TRPC7: variants seen among roughly 807,000 people sequenced by gnomAD.
The protein encoded by TRPC7 is short transient receptor potential channel 7.
In TRPC7, 42 loss-of-function variants were observed where a neutral mutation model predicts 90.1. The ratio of observed to expected loss-of-function variants is 0.47; its 90% CI spans 0.36 to 0.60. The LOEUF (loss-of-function observed/expected upper bound fraction) is 0.60. TRPC7 is among the 20% of genes least tolerant of loss of function. The pLI is 0.00. For missense variants in TRPC7, 955 were observed against 1,112.3 expected (o/e 0.86, Z 2.01); for synonymous variants, 451 against 436.3 (o/e 1.03, Z -0.42).
chr5:136,257,953 C>G (rs1470410493), intron 5 of TRPC7, among the ~76,000 whole-genome samples: 2 of 152,166 alleles, frequency 1.3e-5, no homozygotes, highest in African/African-American at 4.8e-5. Context: ...GCCCTGGGTT[C>G]AAGTTCTAGC....
At chr5:136,241,952 G>T (rs556909788) in intron 7 of TRPC7, among the ~76,000 whole-genome samples, 14 of 152,216 alleles carry the variant, frequency 9.2e-5, no homozygotes, top group African/African-American at 3.1e-4. Flanking sequence ...CAAGAGTGCT[G>T]GGACCCCAAG....
At chr5:136,339,325 ACCTAATAAATTGG>A (rs1490281431) in intron 2 of TRPC7, among the ~76,000 whole-genome samples, 1 of 152,168 alleles carries the variant, frequency 6.6e-6, no homozygotes, top group African/African-American at 2.4e-5. Context: ...GCCTTTGTAA[ACCTAATAAATTGG>A]CCACAAGGTT....
chr5:136,282,808 C>G (rs1263657510), intron 3 of TRPC7, among the ~76,000 whole-genome samples: 1 of 152,156 alleles, frequency 6.6e-6, no homozygotes, highest in Non-Finnish European at 1.5e-5. Context: ...AGTGATCCAT[C>G]CATCCACCAG....
chr5:136,288,850 T>C (rs1203631763), intron 3 of TRPC7, among the ~76,000 whole-genome samples: 1 of 152,216 alleles, frequency 6.6e-6, no homozygotes, highest in Admixed American at 6.5e-5. Flanking sequence ...TATATGTATG[T>C]GTCCCCTGCC....
chr5:136,278,768 A>G (rs1183715852), intron 3 of TRPC7, among the ~76,000 whole-genome samples: 2 of 152,004 alleles, frequency 1.3e-5, no homozygotes, highest in African/African-American at 4.8e-5. Flanking sequence ...ACACCACCCC[A>G]CTCACCTTTT....
At chr5:136,286,309 G>A (rs971793838) in intron 3 of TRPC7, among the ~76,000 whole-genome samples, 46 of 152,098 alleles carry the variant, frequency 3.0e-4, no homozygotes, top group African/African-American at 9.9e-4. Context: ...GGTCTAAATC[G>A]CTGTGGTGGA....
intron 3 of TRPC7, among the ~76,000 whole-genome samples, chr5:136,313,175 A>G (rs1186176801): frequency 6.6e-6 from 1 of 152,086 alleles, no homozygotes; most frequent in South Asian, 2.1e-4. Context: ...AAGCTGTTTG[A>G]CTGTTTAACT....
At chr5:136,358,386 T>C (rs1401090149) in intron 1 of TRPC7, among the ~76,000 whole-genome samples, 1 of 152,206 alleles carries the variant, frequency 6.6e-6, no homozygotes, top group Non-Finnish European at 1.5e-5. Context: ...CCAGGTATTA[T>C]ACTAAGAGCT....
intron 10 of TRPC7, among the ~76,000 whole-genome samples, chr5:136,219,939 G>A (rs763005860): frequency 4.6e-5 from 7 of 152,232 alleles, no homozygotes; most frequent in Non-Finnish European, 1.0e-4. Flanking sequence ...ATTGTTGCGG[G>A]AAGTCAGGGA....
intron 5 of TRPC7, among the ~76,000 whole-genome samples, chr5:136,254,466 C>G (rs185131961): frequency 1.3e-5 from 2 of 152,274 alleles, no homozygotes; most frequent in East Asian, 3.9e-4. Flanking sequence ...TCTTCCTGTG[C>G]TCTATAAGTG....
Position 136,289,486 on chromosome 5 carries a change from A to C in TRPC7, c.964-14649T>G, listed in dbSNP as rs547765812. Among the ~76,000 whole-genome samples the C allele has an allele frequency of 5.3e-5, 8 of 152,380 alleles. No homozygotes were observed. In the East Asian group the frequency reaches 1.5e-3, roughly 29 times the overall value. On this transcript the variant is annotated intron_variant, in intron 3 of 11. Coordinates refer to ENST00000513104, the MANE Select transcript of TRPC7 (RefSeq NM_020389.3). ...CAACGGGCTTAACAAATGGCACACC[A>C]GGAGATTATATCCTGCACATGGCTT...
At chr5:136,359,186 G>A (rs897759732) in intron 1 of TRPC7, among the ~76,000 whole-genome samples, 15 of 152,084 alleles carry the variant, frequency 9.9e-5, no homozygotes, top group African/African-American at 3.4e-4. Flanking sequence ...AACCTTTTTG[G>A]TTTTAGCTCC....
intron 7 of TRPC7, among the ~76,000 whole-genome samples, chr5:136,244,273 C>A (rs1218446811): frequency 6.6e-6 from 1 of 152,022 alleles, no homozygotes; most frequent in East Asian, 1.9e-4. Flanking sequence ...CTTGGGGATC[C>A]TTCCACCTCA....
intron 2 of TRPC7, among the ~76,000 whole-genome samples, chr5:136,349,463 T>A (rs543272921): frequency 3.9e-5 from 6 of 152,294 alleles, no homozygotes; most frequent in Admixed American, 1.3e-4. Context: ...GAGATCTTCA[T>A]GGAGCTCTCT....
At position 136,232,062 on chromosome 5, in the gene TRPC7, T is replaced by C. The variant is rs188778393; in HGVS notation, c.1845-513A>G. On this transcript the variant is annotated intron_variant, in intron 7 of 11. Coordinates refer to ENST00000513104, the MANE Select transcript of TRPC7 (RefSeq NM_020389.3). ...GAAGACTTTGAAAGAATATTAAAAA[T>C]GGCAAGCTCTTTATTTTTTATTCAA... is the stretch of plus-strand genomic sequence containing the variant. 4.0e-3 allele frequency among the ~76,000 whole-genome samples: 608 copies of C among 152,360 alleles called. 2 individuals carry two copies. The highest frequency in any genetic ancestry group is 0.014 in the African/African-American group (577 of 41,576).
At chr5:136,266,030 T>G (rs939066735) in intron 5 of TRPC7, among the ~76,000 whole-genome samples, 190 bp downstream of exon 5, 1 of 152,166 alleles carries the variant, frequency 6.6e-6, no homozygotes, top group Non-Finnish European at 1.5e-5. Context: ...CCTTTCAAAA[T>G]TGGAATTTGT....
chr5:136,295,699 C>A (rs989541157), intron 3 of TRPC7, among the ~76,000 whole-genome samples: 3 of 152,178 alleles, frequency 2.0e-5, no homozygotes, highest in African/African-American at 7.2e-5. Context: ...TAGGGAATGC[C>A]CCTAATCTCT....
intron 2 of TRPC7, among the ~76,000 whole-genome samples, chr5:136,339,201 C>A (rs1193064668): frequency 6.6e-6 from 1 of 152,148 alleles, no homozygotes; most frequent in Non-Finnish European, 1.5e-5. Flanking sequence ...TTGCTCATTC[C>A]TGGGTATAAG....
intron 1 of TRPC7, among the ~76,000 whole-genome samples, chr5:136,361,933 T>C (rs919059696): frequency 6.6e-6 from 1 of 152,092 alleles, no homozygotes; most frequent in African/African-American, 2.4e-5. Flanking sequence ...AGGAGCACAG[T>C]GAGGATTAAA....
Sources: allele counts gnomAD v4.1 joint callset (sites outside exome capture counted in the v4.1 genomes callset), GRCh38; gene constraint gnomAD v4.1.1; transcripts MANE v1.5; gene names NCBI Gene and HGNC (gene_info 2026-07-23, HGNC 2026-07-21).